Variants in RCC2 observed in about 807,000 individuals in gnomAD.
The protein encoded by RCC2 is protein RCC2.
Under a neutral mutation model 64.1 loss-of-function variants are expected in RCC2, and 19 were observed. The observed-to-expected ratio is 0.30, with a 90% CI of 0.21 to 0.44. RCC2 has a LOEUF of 0.44. Ranked by LOEUF, RCC2 falls within the 20% of genes least tolerant of loss-of-function variation. The pLI, the probability that RCC2 is intolerant of heterozygous loss-of-function variation, is 1.00. For synonymous variants in RCC2, 325 were observed against 279.6 expected, an observed-to-expected ratio of 1.16 and a Z score of -1.62; for missense variants, 508 against 710.4, an observed-to-expected ratio of 0.72 and a Z score of 3.24.
chr1:17,432,539 T>C lies in RCC2; in HGVS notation c.286-3340A>G, dbSNP rs181455489. On this transcript the variant is annotated intron_variant, in intron 2 of 12. Coordinates refer to ENST00000375436, the MANE Select transcript of RCC2 (RefSeq NM_018715.4). ...GGGCACCTGTGCTCAGTATGAACCA[T>C]TGAAGTCAAACCACCCTACACTGAG... is the stretch of plus-strand genomic sequence containing the variant. Among the ~76,000 whole-genome samples, 26 of 152,280 alleles carry C rather than the reference T, an allele frequency of 1.7e-4. No individual in the cohort carries two copies. The East Asian group carries it at 3.9e-3, about 23-fold the overall frequency.
chr1:17,412,140 T>C lies in RCC2; in HGVS notation c.1368A>G (p.Ser456=), dbSNP rs558106285. The change falls in exon 11 of 13, where the codon TCA becomes TCG. Residue 456 remains serine (S), a synonymous_variant. Transcript: ENST00000375436. The part of the protein sequence containing the change: ...ADESTISWGP[S]PTFGELGYGD... ...AGCTTACCAGTTCCCCAAAGGTCGG[T>C]GACGGACCCCAGCTGATGGTGCTCT... 161 of 1,614,004 alleles carry C rather than the reference T, an allele frequency of 1.0e-4. No individual in the cohort carries two copies. Among genetic ancestry groups the C allele is most frequent in the Non-Finnish European group, 1.3e-4 (156 of 1,180,002 alleles).
chr1:17,439,659 A>G lies in RCC2; in HGVS notation c.-123T>C, dbSNP rs992955420. On this transcript the variant is annotated 5_prime_UTR_variant, in exon 1 of 13. Coordinates refer to ENST00000375436, the MANE Select transcript of RCC2 (RefSeq NM_018715.4). The stretch of plus-strand genomic sequence containing the variant: ...GAGGGCTCCAGCCCACTCACCAGAT[A>G]CACTTAAAATGTAAATACGAGCTTC... 1.3e-5 allele frequency: 2 copies of G among 149,328 alleles called. No homozygotes were observed. The highest frequency in any genetic ancestry group is 2.4e-5 in the African/African-American group (1 of 41,064). The allele number at this position is 149,328 out of a possible 1,614,324, so 9.3% of individuals were successfully genotyped here.
intron 7 of RCC2, among the ~76,000 whole-genome samples, chr1:17,418,474 T>A (rs1403976050): frequency 6.6e-6 from 1 of 152,080 alleles, no homozygotes; most frequent in South Asian, 2.1e-4. Context: ...CTGGCCAACA[T>A]GGTGAAACCC....
At chr1:17,421,376 T>G (rs2075554187) in intron 6 of RCC2, among the ~76,000 whole-genome samples, 1 of 151,960 alleles carries the variant, frequency 6.6e-6, no homozygotes, top group Non-Finnish European at 1.5e-5. Context: ...ATGCCTGTAG[T>G]CCCAGCTACT....
At chr1:17,413,864 G>T in intron 8 of RCC2, 147 bp from the exon 9 acceptor site, 1 of 739,042 alleles carries the variant, frequency 1.4e-6, no homozygotes, top group East Asian at 2.7e-5. Context: ...CGGGCACGGT[G>T]GTTCACATCT....
At chr1:17,424,976 A>G (rs1410043218) in intron 4 of RCC2, among the ~76,000 whole-genome samples, 1 of 152,200 alleles carries the variant, frequency 6.6e-6, no homozygotes, top group Non-Finnish European at 1.5e-5. Flanking sequence ...ACAACTCCAA[A>G]AAAGCAAACT....
chr1:17,434,877 C>A (rs142594840), intron 2 of RCC2, among the ~76,000 whole-genome samples: 453 of 152,298 alleles, frequency 3.0e-3, no homozygotes, highest in African/African-American at 0.01. Flanking sequence ...CTTTGGGAGG[C>A]GGGCAAATCA....
intron 2 of RCC2, among the ~76,000 whole-genome samples, chr1:17,434,962 GCA>G (rs1457717068): frequency 2.6e-5 from 4 of 152,186 alleles, no homozygotes; most frequent in Admixed American, 1.3e-4. Context: ...AAATTACCGA[GCA>G]CAGTGACAGG....
At chr1:17,413,807 A>G in intron 8 of RCC2, 90 bp from the exon 9 acceptor site, 6 of 1,183,114 alleles carry the variant, frequency 5.1e-6, no homozygotes, top group Non-Finnish European at 6.1e-6. Context: ...AACCTGGTGC[A>G]AATGCTAAGG....
chr1:17,409,571 G>A (rs1301595182), intron 12 of RCC2, among the ~76,000 whole-genome samples: 1 of 152,218 alleles, frequency 6.6e-6, no homozygotes, highest in African/African-American at 2.4e-5. Context: ...CCAGCAGGCT[G>A]GCTGACTGAG....
In RCC2 at chr1:17,406,890, C is replaced by G. The variant is rs2075366298; in HGVS notation, c.*2200G>C. ...AATCACAACCTCCTCTTTGATTCCC[C>G]TTCACGCTAAGCCTCTTTCAAATTC... is the stretch of plus-strand genomic sequence containing the variant. On this transcript the variant is annotated 3_prime_UTR_variant, in exon 13 of 13. Coordinates refer to ENST00000375436, the MANE Select transcript of RCC2 (RefSeq NM_018715.4). 6.6e-6 allele frequency: 1 copy of G among 152,228 alleles called. No individual in the cohort carries two copies. The highest frequency in any genetic ancestry group is 2.4e-5 in the African/African-American group (1 of 41,450). The allele number at this position is 152,228 out of a possible 1,614,324, so 9.4% of individuals were successfully genotyped here. A position where few individuals can be genotyped will look rare whatever the true frequency, so the allele number is the denominator to read the frequency against.
chr1:17,432,577 C>T (rs115497742), intron 2 of RCC2, among the ~76,000 whole-genome samples: 1,824 of 152,302 alleles, frequency 0.012, 35 homozygotes, highest in African/African-American at 0.042. Flanking sequence ...GCAACCACTG[C>T]AGCAAAACTT....
At position 17,409,062 on chromosome 1, in the gene RCC2, T is replaced by C; in HGVS notation, c.*28A>G. On this transcript the variant is annotated 3_prime_UTR_variant, in exon 13 of 13. Transcript: ENST00000375436. ...TGGAAATGACAGCTGCCGCGAGAGG[T>C]GTGGAGTCGGAGGAGTCTCCGGGAG... The C allele has an allele frequency of 6.9e-7, 1 of 1,447,968 alleles. No homozygotes were observed. Among genetic ancestry groups the C allele is most frequent in the Non-Finnish European group, 9.7e-7 (1 of 1,028,740 alleles). 89.7% of individuals were successfully genotyped at this position (1,447,968 alleles called of 1,614,324 possible). A position where few individuals can be genotyped will look rare whatever the true frequency, so the allele number is the denominator to read the frequency against.
chr1:17,412,949 C>T, intron 10 of RCC2, 124 bp downstream of exon 10: 1 of 687,434 alleles, frequency 1.5e-6, no homozygotes. Context: ...GTCAGATGGC[C>T]TGCTGAGGAC....
At chr1:17,409,435 G>A (rs1570169277) in intron 12 of RCC2, among the ~76,000 whole-genome samples, 1 of 152,214 alleles carries the variant, frequency 6.6e-6, no homozygotes, top group African/African-American at 2.4e-5. Context: ...AGCCCACTGG[G>A]CCACCTCTTA....
intron 12 of RCC2, 128 bp from the exon 13 acceptor site, chr1:17,409,322 C>A: frequency 1.5e-6 from 1 of 665,966 alleles, no homozygotes; most frequent in Non-Finnish European, 2.7e-6. Context: ...TTGAAAACTG[C>A]AAAAAGCCCC....
chr1:17,432,914 C>T (rs2075697461), intron 2 of RCC2, among the ~76,000 whole-genome samples: 1 of 151,804 alleles, frequency 6.6e-6, no homozygotes, highest in African/African-American at 2.4e-5. Flanking sequence ...GCCGAGATCG[C>T]GCCACTGCAC....
intron 2 of RCC2, among the ~76,000 whole-genome samples, chr1:17,431,313 G>A (rs1182627233): frequency 1.1e-4 from 11 of 99,756 alleles, no homozygotes; most frequent in Non-Finnish European, 1.6e-4. Flanking sequence ...CAGCCTGGGC[G>A]ACTGAGCAAG....
At position 17,408,910 on chromosome 1, in the gene RCC2, C is replaced by T. The variant is rs2075395060; in HGVS notation, c.*180G>A. On this transcript the variant is annotated 3_prime_UTR_variant, in exon 13 of 13. Transcript: ENST00000375436. ...AAAAAAAAGGACTTTGGAAAGCATA[C>T]AGAAAAAAAGGTAGTTAACGTTGGA... The T allele has an allele frequency of 5.5e-6, 3 of 545,414 alleles. No homozygotes were observed. The highest frequency in any genetic ancestry group is 3.1e-5 in the Admixed American group (1 of 32,374). 33.8% of individuals were successfully genotyped at this position (545,414 alleles called of 1,614,324 possible). A position where few individuals can be genotyped will look rare whatever the true frequency, so the allele number is the denominator to read the frequency against.
Sources: allele counts gnomAD v4.1 joint callset (sites outside exome capture counted in the v4.1 genomes callset), GRCh38; gene constraint gnomAD v4.1.1; transcripts MANE v1.5; gene names NCBI Gene and HGNC (gene_info 2026-07-23, HGNC 2026-07-21).